Variants in SH3PXD2A observed in about 807,000 individuals in gnomAD.
SH3PXD2A encodes SH3 and PX domains 2A.
Under a neutral mutation model 115.2 loss-of-function variants are expected in SH3PXD2A, and 32 were observed. The observed-to-expected ratio is 0.28, with a 90% CI of 0.21 to 0.37. SH3PXD2A has a LOEUF of 0.37. Ranked by LOEUF, SH3PXD2A falls within the 10% of genes least tolerant of loss-of-function variation. The pLI, the probability that SH3PXD2A is intolerant of heterozygous loss-of-function variation, is 1.00. For missense variants in SH3PXD2A, 1,328 were observed against 1,498.7 expected (o/e 0.89, Z 1.88); for synonymous variants, 610 against 629.1 (o/e 0.97, Z 0.45).
At chr10:103,846,191 A>G (rs1321790402) in intron 1 of SH3PXD2A, among the ~76,000 whole-genome samples, 2 of 152,250 alleles carry the variant, frequency 1.3e-5, no homozygotes, top group African/African-American at 4.8e-5. Context: ...GCCAAAGGGA[A>G]ATGACAGCAC....
chr10:103,779,878 T>A (rs559003690), intron 2 of SH3PXD2A, among the ~76,000 whole-genome samples: 22 of 152,308 alleles, frequency 1.4e-4, no homozygotes, highest in Non-Finnish European at 3.2e-4. Flanking sequence ...TCCCCAAAGC[T>A]GCCTGACACT....
intron 3 of SH3PXD2A, among the ~76,000 whole-genome samples, chr10:103,741,600 G>A (rs1169942446): frequency 6.6e-6 from 1 of 152,164 alleles, no homozygotes; most frequent in Non-Finnish European, 1.5e-5. Flanking sequence ...TGGCCTCCAG[G>A]GATACAGATG....
intron 10 of SH3PXD2A, among the ~76,000 whole-genome samples, chr10:103,617,891 C>T (rs1010051837): frequency 4.6e-5 from 7 of 152,220 alleles, no homozygotes; most frequent in African/African-American, 9.6e-5. Flanking sequence ...CATCCATTAA[C>T]ACCTGGTCAT....
intron 5 of SH3PXD2A, among the ~76,000 whole-genome samples, chr10:103,706,456 C>G (rs982238086): frequency 4.6e-5 from 7 of 152,226 alleles, no homozygotes; most frequent in East Asian, 1.9e-4. Context: ...GGCACCCCCC[C>G]AAACCTTGTT....
intron 3 of SH3PXD2A, among the ~76,000 whole-genome samples, chr10:103,750,197 G>T (rs1441010066): frequency 6.6e-6 from 1 of 152,140 alleles, no homozygotes; most frequent in Non-Finnish European, 1.5e-5. Flanking sequence ...GACCACAGGT[G>T]CATGATGCCA....
intron 1 of SH3PXD2A, among the ~76,000 whole-genome samples, chr10:103,803,606 T>C (rs576618539): frequency 6.6e-6 from 1 of 152,298 alleles, no homozygotes; most frequent in African/African-American, 2.4e-5. Flanking sequence ...GAGCAAAAGA[T>C]TTGAACCCAG....
At chr10:103,766,041 T>C (rs948462002) in intron 3 of SH3PXD2A, among the ~76,000 whole-genome samples, 1 of 152,200 alleles carries the variant, frequency 6.6e-6, no homozygotes, top group Non-Finnish European at 1.5e-5. Context: ...CAGGCGGTCA[T>C]AGGGACTCAC....
At chr10:103,688,284 C>A (rs944575812) in intron 6 of SH3PXD2A, among the ~76,000 whole-genome samples, 1 of 152,228 alleles carries the variant, frequency 6.6e-6, no homozygotes, top group African/African-American at 2.4e-5. Context: ...CCTGAGCCTG[C>A]ACAAGGTTCA....
In SH3PXD2A at chr10:103,855,534, G is replaced by C. The variant is rs536331139; in HGVS notation, c.-268C>G. ...CCCGCGCGGCCGCCGCGCTGCGCTC[G>C]CCCGCTCGCTCTCTCCGCCGCCCGG... On this transcript the variant is annotated 5_prime_UTR_variant, in exon 1 of 15. Transcript: ENST00000369774. 1 of 150,894 alleles carries C rather than the reference G, an allele frequency of 6.6e-6. No homozygotes were observed. Among genetic ancestry groups the C allele is most frequent in the Non-Finnish European group, 1.5e-5 (1 of 67,928 alleles). The allele number at this position is 150,894 out of a possible 1,614,324, so 9.3% of individuals were successfully genotyped here. A position where few individuals can be genotyped will look rare whatever the true frequency, so the allele number is the denominator to read the frequency against.
chr10:103,619,304 G>A (rs2036568279), intron 10 of SH3PXD2A, among the ~76,000 whole-genome samples: 1 of 152,190 alleles, frequency 6.6e-6, no homozygotes, highest in African/African-American at 2.4e-5. Flanking sequence ...CCATTTTCCA[G>A]TGAGGCATGG....
At position 103,598,860 on chromosome 10, in the gene SH3PXD2A, C is replaced by CTCTT. The variant is rs1449431973; in HGVS notation, c.*2952_*2955dup. 6.6e-6 allele frequency: 1 copy of CTCTT among 152,572 alleles called. No homozygotes were observed. The highest frequency in any genetic ancestry group is 2.4e-5 in the African/African-American group (1 of 41,428). The allele number at this position is 152,572 out of a possible 1,614,324, so 9.5% of individuals were successfully genotyped here. ...CCTTCTTGCTTCAAGTATTAATATT[C>CTCTT]TCTTTGGGTTTGCAGGGTTTGTGCT... is the stretch of plus-strand genomic sequence containing the variant. On this transcript the variant is annotated 3_prime_UTR_variant, in exon 15 of 15. Coordinates refer to ENST00000369774, the MANE Select transcript of SH3PXD2A (RefSeq NM_001394015.1).
chr10:103,713,027 C>A (rs1356045876), intron 5 of SH3PXD2A, among the ~76,000 whole-genome samples: 2 of 152,204 alleles, frequency 1.3e-5, no homozygotes, highest in Non-Finnish European at 2.9e-5. Context: ...GCTCAAGGGT[C>A]CAGCACGGCT....
chr10:103,726,267 A>G (rs2038240237), intron 4 of SH3PXD2A, among the ~76,000 whole-genome samples: 1 of 152,182 alleles, frequency 6.6e-6, no homozygotes, highest in African/African-American at 2.4e-5. Context: ...ACACACCACG[A>G]CCAGCTTCAG....
Position 103,627,103 on chromosome 10 carries a change from G to A in SH3PXD2A, c.704C>T (p.Ser235Phe), listed in dbSNP as rs144033187. The change falls in exon 9 of 15, where the codon TCT becomes TTT. Residue 235 changes from serine (S) to phenylalanine (F), a missense_variant. Ser to Phe is a radical substitution (Grantham distance 155). Transcript: ENST00000369774. The surrounding 1 kb of genome is among the most constrained non-coding windows in gnomAD (Gnocchi z 4.4). ...GTRDDSDINTSKTGEVSKRRK... is the reference protein window; with the variant it reads ...GTRDDSDINTFKTGEVSKRRK... ...CAAGCCCTCACCTTCTCCAGTCTTA[G>A]AGGTGTTGATGTCGGAGTCATCCCG... The A allele has an allele frequency of 8.8e-5, 141 of 1,604,216 alleles. No individual in the cohort carries two copies. The highest frequency in any genetic ancestry group is 1.6e-4 in the Middle Eastern group (1 of 6,070).
chr10:103,614,977 G>A (rs762030864), intron 11 of SH3PXD2A, among the ~76,000 whole-genome samples: 7 of 152,292 alleles, frequency 4.6e-5, no homozygotes, highest in African/African-American at 1.2e-4. Flanking sequence ...GAGTTAACAC[G>A]TGGGTGGGAG....
At chr10:103,671,266 T>C (rs776869436) in intron 6 of SH3PXD2A, among the ~76,000 whole-genome samples, 2 of 152,184 alleles carry the variant, frequency 1.3e-5, no homozygotes, top group Non-Finnish European at 2.9e-5. Flanking sequence ...CTCAACTCTA[T>C]TCTTATAGTA....
intron 4 of SH3PXD2A, among the ~76,000 whole-genome samples, chr10:103,729,498 T>C (rs1457240690): frequency 6.6e-6 from 1 of 152,166 alleles, no homozygotes; most frequent in East Asian, 1.9e-4. Context: ...GCTCAGAGGG[T>C]TCCGAAGGCC....
At chr10:103,842,921 C>G (rs928474044) in intron 1 of SH3PXD2A, among the ~76,000 whole-genome samples, 3 of 152,108 alleles carry the variant, frequency 2.0e-5, no homozygotes, top group Non-Finnish European at 4.4e-5. Context: ...CAAGGTCATT[C>G]TTGGTAAGTG....
intron 1 of SH3PXD2A, among the ~76,000 whole-genome samples, chr10:103,840,072 G>A (rs2134315844): frequency 6.6e-6 from 1 of 152,384 alleles, no homozygotes; most frequent in East Asian, 1.9e-4. Context: ...CAGACTGGCA[G>A]AGGCAGAAAT....
Sources: gnomAD v4.1 joint callset for allele counts (sites outside exome capture counted in the v4.1 genomes callset) on GRCh38, gnomAD v4.1.1 for gene constraint, Gnocchi (gnomAD v3.1) non-coding constraint, MANE v1.5 for transcripts, NCBI Gene and HGNC (gene_info 2026-07-23, HGNC 2026-07-21) for gene names.